The following CTTNBP2 variants were observed in gnomAD, a reference collection of about 807,000 sequenced individuals.
The protein encoded by CTTNBP2 is cortactin-binding protein 2.
Under a neutral mutation model 156.9 loss-of-function variants are expected in CTTNBP2, and 108 were observed. That is an observed-to-expected ratio of 0.69 (90% CI 0.59 to 0.81). The LOEUF (loss-of-function observed/expected upper bound fraction) is 0.81, where lower values mean the gene tolerates loss of function less well. Ranked by LOEUF, CTTNBP2 falls within the 30% of genes least tolerant of loss-of-function variation. The pLI is 0.00. For missense variants in CTTNBP2, 1,924 were observed against 2,035.4 expected, an observed-to-expected ratio of 0.95 and a Z score of 1.05; for synonymous variants, 767 against 751.8, an observed-to-expected ratio of 1.02 and a Z score of -0.33.
intron 3 of CTTNBP2, among the ~76,000 whole-genome samples, chr7:117,793,876 A>G (rs1224911614): frequency 2.0e-5 from 3 of 152,116 alleles, no homozygotes; most frequent in Non-Finnish European, 4.4e-5. Flanking sequence ...TGGCTTGTTC[A>G]TTTCTTCCAG....
intron 19 of CTTNBP2, 78 bp from the exon 20 acceptor site, chr7:117,721,208 G>A: frequency 1.1e-6 from 1 of 903,582 alleles, no homozygotes; most frequent in South Asian, 1.4e-5. Flanking sequence ...GAAACAGACT[G>A]TGGACTTTGC....
intron 2 of CTTNBP2, among the ~76,000 whole-genome samples, chr7:117,817,388 A>ATATATATAT (rs1554437687): frequency 1.6e-5 from 2 of 124,744 alleles, no homozygotes; most frequent in African/African-American, 5.7e-5. Context: ...ATATATATAT[A>ATATATATAT]ATTTCATCAG....
chr7:117,839,566 T>C (rs1474940763), intron 2 of CTTNBP2, among the ~76,000 whole-genome samples: 3 of 152,240 alleles, frequency 2.0e-5, no homozygotes, highest in East Asian at 3.8e-4. Context: ...ATACAGGTAC[T>C]TTTTGTTAAT....
intron 8 of CTTNBP2, among the ~76,000 whole-genome samples, chr7:117,768,924 A>T (rs1167761856): frequency 6.6e-6 from 1 of 152,146 alleles, no homozygotes; most frequent in Non-Finnish European, 1.5e-5. Context: ...ACTATGTGGG[A>T]TTCCATTATA....
chr7:117,721,167 TC>T, intron 19 of CTTNBP2, 37 bp from the exon 20 acceptor site: 1 of 1,164,522 alleles, frequency 8.6e-7, no homozygotes, highest in East Asian at 2.3e-5. Flanking sequence ...TAGATCATTA[TC>T]CCTGTGCCTC....
intron 22 of CTTNBP2, among the ~76,000 whole-genome samples, chr7:117,715,475 T>TAAAAAAAAAAAAAAAAAAAAA (rs398048025): frequency 8.6e-6 from 1 of 116,392 alleles, no homozygotes; most frequent in African/African-American, 3.9e-5. Context: ...GCCCTGAAGT[T>TAAAAAAAAAAAAAAAAAAAAA]AAAAAAAAAA....
chr7:117,717,807 A>AAAAAGTAATGCTTTCCTATGTCATTT (rs1341640134), intron 22 of CTTNBP2, among the ~76,000 whole-genome samples: 1 of 152,122 alleles, frequency 6.6e-6, no homozygotes, highest in Non-Finnish European at 1.5e-5. Flanking sequence ...ATTGAAGGGA[A>AAAAAGTAATGCTTTCCTATGTCATTT]AAAAGTAATG....
intron 12 of CTTNBP2, 101 bp downstream of exon 12, chr7:117,756,454 G>A (rs558655875): frequency 5.8e-6 from 5 of 855,352 alleles, no homozygotes; most frequent in East Asian, 4.9e-5. Context: ...AGCACAGGGT[G>A]GGGGGGCTTG....
At chr7:117,738,659 C>G (rs1254838497) in intron 14 of CTTNBP2, among the ~76,000 whole-genome samples, 1 of 152,088 alleles carries the variant, frequency 6.6e-6, no homozygotes, top group Non-Finnish European at 1.5e-5. Flanking sequence ...GCAGATGTGA[C>G]CAAGCATGTA....
intron 3 of CTTNBP2, among the ~76,000 whole-genome samples, chr7:117,802,328 C>T (rs35124462): frequency 0.011 from 1,609 of 149,800 alleles, 33 homozygotes; most frequent in African/African-American, 0.037. Context: ...CACCTTTCAA[C>T]ATATACAAAA....
At chr7:117,734,754 T>TA (rs2116485612) in intron 16 of CTTNBP2, among the ~76,000 whole-genome samples, 159 bp downstream of exon 16, 1 of 152,348 alleles carries the variant, frequency 6.6e-6, no homozygotes, top group East Asian at 1.9e-4. Context: ...CAGAAATTGT[T>TA]ATGGGTTTCA....
At chr7:117,717,334 G>GCAATGTATAAGACCT (rs1266174122) in intron 22 of CTTNBP2, among the ~76,000 whole-genome samples, 4 of 147,614 alleles carry the variant, frequency 2.7e-5, no homozygotes, top group Non-Finnish European at 6.0e-5. Context: ...TTTTTTTTTT[G>GCAATGTATAAGACCT]CAATGTATAA....
chr7:117,767,417 GCTT>G (rs1037722486), intron 8 of CTTNBP2, among the ~76,000 whole-genome samples: 3 of 152,154 alleles, frequency 2.0e-5, no homozygotes, highest in Non-Finnish European at 4.4e-5. Flanking sequence ...CCACAGAACA[GCTT>G]CTTAGGTTGC....
At chr7:117,789,140 A>G (rs1288029005) in intron 4 of CTTNBP2, among the ~76,000 whole-genome samples, 1 of 152,162 alleles carries the variant, frequency 6.6e-6, no homozygotes, top group Non-Finnish European at 1.5e-5. Context: ...CTCTGTCTTT[A>G]AAAGTTAACA....
At position 117,757,914 on chromosome 7, in the gene CTTNBP2, T is replaced by G. The variant is rs781120819; in HGVS notation, c.3229A>C (p.Arg1077=). The stretch of plus-strand genomic sequence containing the variant: ...GTGATGTGCTCTGCCTTATTCTTCC[T>G]CATAAAGTCCCACGGGGACTGCGCG... The part of the protein sequence containing the change: ...SFAQSPWDFM[R]KNKAEHITVL... Residue 1077 remains arginine (R), a synonymous_variant, in exon 11 of 23, where the codon AGG becomes CGG. Coordinates refer to ENST00000160373, the MANE Select transcript of CTTNBP2 (RefSeq NM_033427.3). 2.7e-5 allele frequency: 43 copies of G among 1,613,320 alleles called. No homozygotes were observed. The highest frequency in any genetic ancestry group is 3.6e-5 in the Non-Finnish European group (42 of 1,179,752).
chr7:117,758,602 G>A (rs1797017033), intron 10 of CTTNBP2, among the ~76,000 whole-genome samples: 1 of 152,016 alleles, frequency 6.6e-6, no homozygotes, highest in Admixed American at 6.6e-5. Context: ...TTCTCAGCAT[G>A]CCTCCAATAT....
Position 117,711,836 on chromosome 7 carries a change from C to T in CTTNBP2, c.4747-54G>A, listed in dbSNP as rs533495027. ...TATCACAAACTTCTCCTGTTATGAG[C>T]CCTACCCCTGCCTCCTCTTTGAGCA... On this transcript the variant is annotated intron_variant, in intron 22 of 22. Transcript: ENST00000160373. 4.3e-4 allele frequency: 660 copies of T among 1,536,860 alleles called. 10 individuals carry two copies. In the South Asian group the frequency reaches 5.0e-3, roughly 12 times the overall value.
chr7:117,776,779 C>T (rs529508785), intron 8 of CTTNBP2, among the ~76,000 whole-genome samples: 87 of 152,290 alleles, frequency 5.7e-4, no homozygotes, highest in East Asian at 5.8e-4. Flanking sequence ...TTTCTGTTGT[C>T]CTTGTGTTTT....
intron 2 of CTTNBP2, among the ~76,000 whole-genome samples, chr7:117,832,409 G>A (rs1346685142): frequency 1.3e-5 from 2 of 151,980 alleles, no homozygotes; most frequent in Non-Finnish European, 2.9e-5. Flanking sequence ...CTAAAACGTA[G>A]GTCTAAGGTA....
Sources: gnomAD v4.1 joint callset for allele counts (sites outside exome capture counted in the v4.1 genomes callset) on GRCh38, gnomAD v4.1.1 for gene constraint, MANE v1.5 for transcripts, NCBI Gene and HGNC (gene_info 2026-07-23, HGNC 2026-07-21) for gene names.